Variants in TMC1 observed in about 807,000 individuals in gnomAD.
The protein encoded by TMC1 is transmembrane channel like 1.
A neutral mutation model predicts 105.8 loss-of-function variants in TMC1; 84 were observed. That is an observed-to-expected ratio of 0.79 (90% CI 0.67 to 0.95). The LOEUF (loss-of-function observed/expected upper bound fraction) is 0.95. Among genes scored for constraint, TMC1 ranks in the 40% least tolerant of loss-of-function variants. The pLI, the probability that TMC1 is intolerant of heterozygous loss-of-function variation, is 0.00. For missense variants in TMC1, 817 were observed against 914.1 expected (o/e 0.89, Z 1.37); for synonymous variants, 315 against 311.5 (o/e 1.01, Z -0.12).
chr9:72,532,004 T>C (rs1823504984), intron 1 of TMC1, among the ~76,000 whole-genome samples: 1 of 152,046 alleles, frequency 6.6e-6, no homozygotes. Flanking sequence ...TGATCTTGGC[T>C]CACTGCAACC....
At chr9:72,650,003 A>C (rs765303468) in intron 5 of TMC1, among the ~76,000 whole-genome samples, 1 of 152,222 alleles carries the variant, frequency 6.6e-6, no homozygotes, top group Non-Finnish European at 1.5e-5. Flanking sequence ...ATCATTTATT[A>C]ACCTTATTGT....
chr9:72,700,864 G>A (rs1826634887), intron 8 of TMC1: 1 of 195,138 alleles, frequency 5.1e-6, no homozygotes, highest in African/African-American at 2.4e-5. Context: ...TCATAAACAT[G>A]TATATCATAT....
intron 5 of TMC1, among the ~76,000 whole-genome samples, chr9:72,650,892 A>ATC (rs1491094721): frequency 1.4e-5 from 2 of 138,804 alleles, no homozygotes; most frequent in African/African-American, 5.3e-5. Flanking sequence ...AGATATATAG[A>ATC]TATATATATA....
chr9:72,818,099 GC>G (rs1828814937), intron 19 of TMC1, among the ~76,000 whole-genome samples: 1 of 152,048 alleles, frequency 6.6e-6, no homozygotes, highest in African/African-American at 2.4e-5. Context: ...AAATTAGTAG[GC>G]TGACTCTGCA....
At chr9:72,817,177 A>G (rs1323925663) in intron 19 of TMC1, 2 of 152,018 alleles carry the variant, frequency 1.3e-5, no homozygotes, top group Non-Finnish European at 2.9e-5. Flanking sequence ...CACAAAGACA[A>G]CTCTCCAGGG....
chr9:72,598,259 A>C (rs896191592), intron 2 of TMC1, among the ~76,000 whole-genome samples: 2 of 152,118 alleles, frequency 1.3e-5, no homozygotes, highest in African/African-American at 4.8e-5. Context: ...AGGCAAACTA[A>C]CAAGCTCTTG....
intron 21 of TMC1, among the ~76,000 whole-genome samples, chr9:72,828,266 C>A (rs1173768296): frequency 6.6e-6 from 1 of 152,128 alleles, no homozygotes; most frequent in Non-Finnish European, 1.5e-5. Context: ...AGAAAATGAC[C>A]TACTGAATGC....
intron 3 of TMC1, among the ~76,000 whole-genome samples, chr9:72,624,462 A>T (rs938768871): frequency 6.6e-6 from 1 of 152,192 alleles, no homozygotes; most frequent in African/African-American, 2.4e-5. Flanking sequence ...GAAATGGCCA[A>T]GCCATTCACT....
chr9:72,574,977 G>A (rs1824351819), intron 1 of TMC1, among the ~76,000 whole-genome samples: 1 of 152,146 alleles, frequency 6.6e-6, no homozygotes, highest in South Asian at 2.1e-4. Context: ...AGTGCCTTGA[G>A]TTTGGTGTGG....
At chr9:72,684,404 G>A (rs1431809345) in intron 5 of TMC1, among the ~76,000 whole-genome samples, 1 of 152,070 alleles carries the variant, frequency 6.6e-6, no homozygotes, top group Non-Finnish European at 1.5e-5. Flanking sequence ...CGTCTCTGAT[G>A]CACATCTTCT....
chr9:72,552,005 G>A (rs1823866854), intron 1 of TMC1, among the ~76,000 whole-genome samples: 1 of 152,114 alleles, frequency 6.6e-6, no homozygotes, highest in Admixed American at 6.6e-5. Flanking sequence ...AGTTTCAGAG[G>A]TCTAGCATCC....
At chr9:72,629,275 C>T (rs1825407431) in intron 4 of TMC1, among the ~76,000 whole-genome samples, 1 of 152,110 alleles carries the variant, frequency 6.6e-6, no homozygotes, top group Admixed American at 6.5e-5. Flanking sequence ...GAAGCTGCCC[C>T]TCAAAGTCAT....
chr9:72,769,831 G>A (rs1295468534), intron 12 of TMC1, among the ~76,000 whole-genome samples: 1 of 152,102 alleles, frequency 6.6e-6, no homozygotes, highest in Non-Finnish European at 1.5e-5. Flanking sequence ...TGGAAGTTGT[G>A]GTGTTGTCCC....
chr9:72,802,923 G>A (rs1347223437), intron 17 of TMC1, among the ~76,000 whole-genome samples: 3 of 152,000 alleles, frequency 2.0e-5, no homozygotes, highest in Non-Finnish European at 2.9e-5. Flanking sequence ...CCTTATAACT[G>A]AGAAAATCCA....
At chr9:72,569,612 A>G (rs1157872638) in intron 1 of TMC1, among the ~76,000 whole-genome samples, 1 of 152,198 alleles carries the variant, frequency 6.6e-6, no homozygotes, top group Non-Finnish European at 1.5e-5. Flanking sequence ...GGAAGCAACA[A>G]AGCACAGAGT....
chr9:72,640,012 A>G (rs554217757), intron 4 of TMC1, among the ~76,000 whole-genome samples: 5 of 152,376 alleles, frequency 3.3e-5, no homozygotes, highest in Middle Eastern at 3.4e-3. Context: ...AATATGTAGT[A>G]TTAATAAAAC....
At chr9:72,655,792 T>A (rs1031737458) in intron 5 of TMC1, 43 of 601,092 alleles carry the variant, frequency 7.2e-5, no homozygotes, top group South Asian at 3.8e-4. Context: ...CATTTTTTTT[T>A]AATTTTTCAA....
chr9:72,622,058 C>G (rs1825260507), intron 3 of TMC1, among the ~76,000 whole-genome samples: 1 of 152,124 alleles, frequency 6.6e-6, no homozygotes, highest in Admixed American at 6.5e-5. Flanking sequence ...GGATCTTTCT[C>G]TTTTGCAAAT....
At chr9:72,703,332 G>A (rs1020341322) in intron 8 of TMC1, among the ~76,000 whole-genome samples, 2 of 151,894 alleles carry the variant, frequency 1.3e-5, no homozygotes, top group South Asian at 4.2e-4. Flanking sequence ...TTACTATGTC[G>A]CCCAGGCTGA....
Sources: gnomAD v4.1 joint callset for allele counts (sites outside exome capture counted in the v4.1 genomes callset) on GRCh38, gnomAD v4.1.1 for gene constraint, MANE v1.5 for transcripts, NCBI Gene and HGNC (gene_info 2026-07-23, HGNC 2026-07-21) for gene names.